The following COL4A4 variants were observed in gnomAD, a reference collection of about 807,000 sequenced individuals.
COL4A4 encodes the protein collagen alpha-4(IV) chain.
A neutral mutation model predicts 192.9 loss-of-function variants in COL4A4; 105 were observed. The observed-to-expected ratio is 0.54, with a 90% CI of 0.46 to 0.64. COL4A4 has a LOEUF of 0.64. Among genes scored for constraint, COL4A4 ranks in the 30% least tolerant of loss-of-function variants. The pLI is 0.00. For missense variants in COL4A4, 1,967 were observed against 2,169.3 expected (o/e 0.91, Z 1.85); for synonymous variants, 762 against 769.9 (o/e 0.99, Z 0.17).
intron 37 of COL4A4, among the ~76,000 whole-genome samples, chr2:227,037,420 C>CT (rs1255809704): frequency 1.3e-5 from 2 of 152,116 alleles, no homozygotes; most frequent in Non-Finnish European, 2.9e-5. Context: ...TGCACTCATC[C>CT]TTTTTTTATG....
chr2:226,998,541 C>G (rs974061933), downstream of COL4A4: 1 of 152,150 alleles, frequency 6.6e-6, no homozygotes, highest in African/African-American at 2.4e-5. Flanking sequence ...CTTCCTTTCC[C>G]TTCCCATGAA....
intron 37 of COL4A4, among the ~76,000 whole-genome samples, chr2:227,038,581 T>A (rs188578077): frequency 1.3e-5 from 2 of 152,210 alleles, no homozygotes; most frequent in African/African-American, 4.8e-5. Context: ...AAATTTAAAG[T>A]AGTTTTTTGT....
intron 35 of COL4A4, among the ~76,000 whole-genome samples, chr2:227,047,104 G>A (rs1301396841): frequency 6.6e-6 from 1 of 151,962 alleles, no homozygotes; most frequent in Admixed American, 6.6e-5. Flanking sequence ...CATTGTGAGT[G>A]GTTATTGCGA....
intron 4 of COL4A4, among the ~76,000 whole-genome samples, chr2:227,136,088 G>T (rs1274744634): frequency 6.6e-6 from 1 of 152,238 alleles, no homozygotes; most frequent in Admixed American, 6.5e-5. Context: ...GGTGTCCACA[G>T]TGGGTCAGGA....
At chr2:226,992,957 C>A in the COL4A4 span, among the ~76,000 whole-genome samples, 8 of 152,138 alleles carry the variant, frequency 5.3e-5, no homozygotes, top group Non-Finnish European at 2.9e-5. Context: ...AGAAGTGTAC[C>A]TTGAAAGGGC....
intron 20 of COL4A4, among the ~76,000 whole-genome samples, chr2:227,092,406 G>A (rs2059989437): frequency 6.6e-6 from 1 of 152,066 alleles, no homozygotes; most frequent in African/African-American, 2.4e-5. Flanking sequence ...AGAGAGGATG[G>A]AGGAAAGAAA....
chr2:227,108,685 T>C (rs1025013395), intron 11 of COL4A4, 63 bp from the exon 12 acceptor site: 37 of 1,584,014 alleles, frequency 2.3e-5, no homozygotes, highest in Admixed American at 1.7e-5. Flanking sequence ...TTAAAAGCAA[T>C]TAAGACTTCT....
At chr2:227,148,142 C>T (rs542122537) in intron 1 of COL4A4, among the ~76,000 whole-genome samples, 4 of 152,288 alleles carry the variant, frequency 2.6e-5, no homozygotes, top group African/African-American at 9.6e-5. Flanking sequence ...TCTAGCAATT[C>T]TACTCCTGGG....
At chr2:227,106,284 T>C (rs1320400866) in intron 12 of COL4A4, among the ~76,000 whole-genome samples, 1 of 152,192 alleles carries the variant, frequency 6.6e-6, no homozygotes, top group Non-Finnish European at 1.5e-5. Flanking sequence ...CTTATTCTTG[T>C]AATTGAGATA....
chr2:227,094,007 T>C, intron 20 of COL4A4, 118 bp downstream of exon 20: 1 of 946,532 alleles, frequency 1.1e-6, no homozygotes, highest in Non-Finnish European at 1.6e-6. Context: ...GACAACCAAC[T>C]TAGCTCATGA....
Position 227,119,914 on chromosome 2 carries a change from G to A in COL4A4, c.353C>T (p.Pro118Leu). Residue 118 changes from proline (P) to leucine (L), a missense_variant, in exon 6 of 48, where the codon CCA becomes CTA. Physicochemically the swap from Pro to Leu is moderately conservative, Grantham distance 98. Transcript: ENST00000396625. ...ACTTACAGGTATGCCATCTAAACCT[G>A]GAAATCCAGGAACACCAGTTGGACC... ...DKGPTGVPGF[P>L]GLDGIPGHPG... 2 of 1,584,796 alleles carry A rather than the reference G, an allele frequency of 1.3e-6. No homozygotes were observed. Among genetic ancestry groups the A allele is most frequent in the Non-Finnish European group, 1.7e-6 (2 of 1,164,460 alleles).
At chr2:226,973,046 CCTGAGTTTGG>C in the COL4A4 span, among the ~76,000 whole-genome samples, 1 of 152,070 alleles carries the variant, frequency 6.6e-6, no homozygotes, top group South Asian at 2.1e-4. Context: ...CAGAGCCCTA[CCTGAGTTTGG>C]GTTGTGCCCT....
At chr2:227,130,701 G>C (rs1245437207) in intron 4 of COL4A4, among the ~76,000 whole-genome samples, 1 of 152,034 alleles carries the variant, frequency 6.6e-6, no homozygotes, top group Non-Finnish European at 1.5e-5. Flanking sequence ...CTTTCTTTCT[G>C]AGTGCCAGTC....
At chr2:227,107,904 C>CAT (rs2060951474) in intron 12 of COL4A4, among the ~76,000 whole-genome samples, 1 of 151,816 alleles carries the variant, frequency 6.6e-6, no homozygotes, top group Non-Finnish European at 1.5e-5. Flanking sequence ...ACTACAGGCA[C>CAT]GCACCACCAC....
intron 23 of COL4A4, among the ~76,000 whole-genome samples, chr2:227,081,203 G>T (rs2059306193): frequency 6.6e-6 from 1 of 152,202 alleles, no homozygotes; most frequent in South Asian, 2.1e-4. Context: ...GGTGTTGCCA[G>T]AGGAGATTAA....
rs546718277 is a variant in COL4A4 at position 227,115,803 on chromosome 2, C to T, written c.490-1107G>A. On this transcript the variant is annotated intron_variant, in intron 7 of 47. Coordinates refer to ENST00000396625, the MANE Select transcript of COL4A4 (RefSeq NM_000092.5). ...CTGCAGTTTTGGCTTTGCACAGTTC[C>T]AGTCTGAATGAATTTCAGTTTCATA... Among the ~76,000 whole-genome samples, 7 of 152,272 alleles carry T rather than the reference C, an allele frequency of 4.6e-5. No homozygotes were observed. In the East Asian group the frequency reaches 1.4e-3, roughly 29 times the overall value.
chr2:227,164,288 C>T (rs2065107771), upstream of COL4A4: 5 of 253,178 alleles, frequency 2.0e-5, no homozygotes, highest in Middle Eastern at 1.3e-3. The surrounding 1 kb of genome is among the most constrained non-coding windows in gnomAD (Gnocchi z 4.8). Flanking sequence ...CTCCCCACCG[C>T]GCAGCCACCT....
chr2:227,052,266 C>T (rs755295329), intron 32 of COL4A4, 39 bp downstream of exon 32: 1 of 1,208,138 alleles, frequency 8.3e-7, no homozygotes, highest in African/African-American at 1.5e-5. Flanking sequence ...GTAAAAATGT[C>T]AACTTATTTG....
At chr2:226,994,495 TG>T in the COL4A4 span, among the ~76,000 whole-genome samples, 3 of 152,198 alleles carry the variant, frequency 2.0e-5, no homozygotes, top group Admixed American at 1.3e-4. Context: ...TTCTGGTTGA[TG>T]TAGGTGATGG....
Sources: allele counts gnomAD v4.1 joint callset (sites outside exome capture counted in the v4.1 genomes callset), GRCh38; gene constraint gnomAD v4.1.1; non-coding constraint Gnocchi (gnomAD v3.1); transcripts MANE v1.5; gene names NCBI Gene and HGNC (gene_info 2026-07-23, HGNC 2026-07-21).